ERC1: variants seen among roughly 807,000 people sequenced by gnomAD.
The protein encoded by ERC1 is ELKS/RAB6-interacting/CAST family member 1, also known as RAB6 interacting protein 2.
A neutral mutation model predicts 132.0 loss-of-function variants in ERC1; 56 were observed. The observed-to-expected ratio is 0.42, with a 90% CI of 0.34 to 0.53. ERC1 has a LOEUF of 0.53. ERC1 is among the 20% of genes least tolerant of loss of function. The pLI is 0.03. For synonymous variants in ERC1, 478 were observed against 476.1 expected (o/e 1.00, Z -0.05); for missense variants, 1,202 against 1,349.9 (o/e 0.89, Z 1.72).
intron 14 of ERC1, among the ~76,000 whole-genome samples, chr12:1,278,085 C>G (rs2078405834): frequency 6.6e-6 from 1 of 152,202 alleles, no homozygotes. Flanking sequence ...TACGTCATGT[C>G]TGCCTTCATG....
intron 2 of ERC1, among the ~76,000 whole-genome samples, chr12:1,030,128 G>A (rs1967734359): frequency 6.6e-6 from 1 of 152,152 alleles, no homozygotes; most frequent in South Asian, 2.1e-4. Context: ...TGTACTTTTA[G>A]AAGTTTTCTT....
Position 1,410,383 on chromosome 12 carries a change from C to T in ERC1, c.3024+2136C>T, listed in dbSNP as rs778237662. On this transcript the variant is annotated intron_variant, in intron 17 of 18. Transcript: ENST00000360905. ...CATTGCCCCCTTGTCATCTCTCTCC[C>T]TGTAGGATGAGGAGGAGGGTATATG... 3.8e-6 allele frequency: 5 copies of T among 1,309,988 alleles called. No homozygotes were observed. In the South Asian group the frequency reaches 6.1e-5, roughly 16 times the overall value. 81.1% of individuals were successfully genotyped at this position (1,309,988 alleles called of 1,614,324 possible). A position where few individuals can be genotyped will look rare whatever the true frequency, so the allele number is the denominator to read the frequency against.
chr12:1,441,773 G>A (rs1307338742), intron 17 of ERC1, among the ~76,000 whole-genome samples: 1 of 152,112 alleles, frequency 6.6e-6, no homozygotes, highest in African/African-American at 2.4e-5. Context: ...AATGAAATAG[G>A]GATATGTTAC....
chr12:1,170,703 C>G (rs566929097), intron 8 of ERC1, among the ~76,000 whole-genome samples: 1 of 152,242 alleles, frequency 6.6e-6, no homozygotes, highest in East Asian at 1.9e-4. Flanking sequence ...TTGGTCTTAC[C>G]AGCTTTTGTG....
chr12:1,213,796 C>T (rs531730135), intron 12 of ERC1, among the ~76,000 whole-genome samples: 2 of 149,276 alleles, frequency 1.3e-5, no homozygotes, highest in East Asian at 3.9e-4. Context: ...CCCAGCTACT[C>T]GGGAGGCAGA....
chr12:1,270,933 T>C (rs949044570), intron 14 of ERC1, among the ~76,000 whole-genome samples: 1 of 152,152 alleles, frequency 6.6e-6, no homozygotes, highest in Non-Finnish European at 1.5e-5. Context: ...TAATTTGTCC[T>C]TAACGGTTTT....
intron 18 of ERC1, among the ~76,000 whole-genome samples, chr12:1,487,539 T>TCAAAAAAAAAAA (rs773565169): frequency 7.6e-6 from 1 of 130,846 alleles, no homozygotes; most frequent in Admixed American, 7.8e-5. Context: ...ACCGCACCTC[T>TCAAAAAAAAAAA]AAAAAAGAAA....
chr12:1,104,814 T>C lies in ERC1; in HGVS notation c.1151T>C (p.Ile384Thr), dbSNP rs768335278. ...SAKTKALQTV[I>T]EMKDSKISSM... is the part of the protein sequence containing the mutation. Reference sequence around the variant, plus strand: ...AAAACAAAAGCTCTGCAAACTGTTATTGAGATGAAGGTAAGTGAGAATCTA... The same window carrying C: ...AAAACAAAAGCTCTGCAAACTGTTACTGAGATGAAGGTAAGTGAGAATCTA... The change falls in exon 4 of 19, where the codon ATT (isoleucine) becomes ACT (threonine). Residue 384 changes from isoleucine to threonine, a missense_variant. Ile to Thr is a moderately conservative substitution (Grantham distance 89, BLOSUM62 -1). Coordinates refer to ENST00000360905, the MANE Select transcript of ERC1 (RefSeq NM_178040.4). 4.3e-6 allele frequency: 7 copies of C among 1,610,686 alleles called. No individual in the cohort carries two copies. The highest frequency in any genetic ancestry group is 5.9e-6 in the Non-Finnish European group (7 of 1,176,882).
chr12:1,446,435 A>G (rs780956942), intron 18 of ERC1, among the ~76,000 whole-genome samples: 2 of 152,206 alleles, frequency 1.3e-5, no homozygotes, highest in Non-Finnish European at 2.9e-5. Flanking sequence ...CTTACCCCCT[A>G]TAGATTCAAT....
intron 15 of ERC1, among the ~76,000 whole-genome samples, chr12:1,365,495 A>G (rs1003001651): frequency 6.6e-6 from 1 of 152,244 alleles, no homozygotes; most frequent in African/African-American, 2.4e-5. Flanking sequence ...AACTATTCTT[A>G]GCATTTGGAA....
chr12:1,407,249 G>A (rs1413427929), intron 16 of ERC1, among the ~76,000 whole-genome samples: 5 of 151,874 alleles, frequency 3.3e-5, no homozygotes, highest in African/African-American at 4.9e-5. Context: ...GACTCGAATT[G>A]TTTATTGATG....
At chr12:1,388,979 T>C (rs180721344) in intron 16 of ERC1, among the ~76,000 whole-genome samples, 3 of 152,262 alleles carry the variant, frequency 2.0e-5, no homozygotes, top group Admixed American at 1.3e-4. Flanking sequence ...CTACTAAAAA[T>C]TTCCTCCTTT....
At chr12:1,114,246 C>T (rs540221099) in intron 6 of ERC1, among the ~76,000 whole-genome samples, 1 of 152,270 alleles carries the variant, frequency 6.6e-6, no homozygotes, top group East Asian at 1.9e-4. Flanking sequence ...TGGTCTTGAT[C>T]TCCTGACCTT....
chr12:1,182,157 C>T lies in ERC1; in HGVS notation c.2016+92C>T, dbSNP rs967614374. 8 of 1,233,656 alleles carry T rather than the reference C, an allele frequency of 6.5e-6. No homozygotes were observed. In the East Asian group the frequency reaches 7.3e-5, roughly 11 times the overall value. The allele number at this position is 1,233,656 out of a possible 1,614,324, so 76.4% of individuals were successfully genotyped here. A position where few individuals can be genotyped will look rare whatever the true frequency, so the allele number is the denominator to read the frequency against. On this transcript the variant is annotated intron_variant, in intron 10 of 18. Transcript: ENST00000360905. ...TACATAATGCATATAAAAAAGTATT[C>T]GATGGAAAATTTTCTTAATATTCTT... is the stretch of plus-strand genomic sequence containing the variant.
At chr12:1,127,252 C>T (rs533760909) in intron 7 of ERC1, among the ~76,000 whole-genome samples, 36 of 152,194 alleles carry the variant, frequency 2.4e-4, no homozygotes, top group Middle Eastern at 3.4e-3. Context: ...ACACAAATGA[C>T]GTAGGTGGTT....
chr12:1,235,340 C>T (rs1487676608), intron 12 of ERC1, among the ~76,000 whole-genome samples: 1 of 152,154 alleles, frequency 6.6e-6, no homozygotes, highest in Non-Finnish European at 1.5e-5. Flanking sequence ...GCCTTGGCGA[C>T]TGAGTGAGAT....
chr12:1,468,254 C>T (rs991698433), intron 18 of ERC1, among the ~76,000 whole-genome samples: 8 of 132,846 alleles, frequency 6.0e-5, no homozygotes, highest in African/African-American at 2.4e-4. Flanking sequence ...CTGTATGATA[C>T]GACAGAAAAG....
chr12:1,142,127 G>A (rs1302655547), intron 8 of ERC1, among the ~76,000 whole-genome samples: 2 of 152,080 alleles, frequency 1.3e-5, no homozygotes, highest in Admixed American at 6.6e-5. Flanking sequence ...ATGGACTTGG[G>A]ATGGTACAAC....
chr12:1,382,461 A>G (rs1591655452), intron 16 of ERC1, among the ~76,000 whole-genome samples: 2 of 152,172 alleles, frequency 1.3e-5, no homozygotes, highest in Admixed American at 1.3e-4. Flanking sequence ...TTTTTATACA[A>G]ATCTCTTTAT....
Sources: gnomAD v4.1 joint callset for allele counts (sites outside exome capture counted in the v4.1 genomes callset) on GRCh38, gnomAD v4.1.1 for gene constraint, MANE v1.5 for transcripts, NCBI Gene and HGNC (gene_info 2026-07-23, HGNC 2026-07-21) for gene names.